Variants in PPP4R2 observed in about 807,000 individuals in gnomAD.
PPP4R2 encodes the protein serine/threonine-protein phosphatase 4 regulatory subunit 2.
PPP4R2 carries 13 observed loss-of-function variants against 47.2 expected under a neutral mutation model. The ratio of observed to expected loss-of-function variants is 0.28; its 90% CI spans 0.18 to 0.44. PPP4R2 has a LOEUF of 0.44. Among genes scored for constraint, PPP4R2 ranks in the 20% least tolerant of loss-of-function variants. The pLI is 1.00. For synonymous variants in PPP4R2, 151 were observed against 163.3 expected (o/e 0.92, Z 0.57); for missense variants, 421 against 491.2 (o/e 0.86, Z 1.35).
At chr3:73,015,639 CTT>C (rs1357650265) in intron 2 of PPP4R2, among the ~76,000 whole-genome samples, 20 of 138,968 alleles carry the variant, frequency 1.4e-4, no homozygotes, top group Admixed American at 1.5e-4. Flanking sequence ...CCATGCCCAG[CTT>C]TTTTTTTTTT....
At chr3:73,023,997 AT>A (rs1220072173) in intron 2 of PPP4R2, among the ~76,000 whole-genome samples, 1 of 152,110 alleles carries the variant, frequency 6.6e-6, no homozygotes, top group African/African-American at 2.4e-5. Flanking sequence ...CTTAATTTGT[AT>A]TTTCACTAAG....
Position 72,997,004 on chromosome 3 carries a change from G to GGGAGGC in PPP4R2, c.-27_-22dup, listed in dbSNP as rs759579944. On this transcript the variant is annotated 5_prime_UTR_variant, in exon 1 of 9. Transcript: ENST00000356692. Reference sequence around the variant, plus strand: ...TTCCGGTCCCCAAGAGACCCGCGGAGGGAGGCGGAGGCTGTGAGGGACTCC... The same window carrying GGGAGGC: ...TTCCGGTCCCCAAGAGACCCGCGGAGGGAGGCGGAGGCGGAGGCTGTGAGGGACTCC... The GGGAGGC allele has an allele frequency of 1.5e-6, 2 of 1,361,500 alleles. No individual in the cohort carries two copies. The highest frequency in any genetic ancestry group is 3.0e-5 in the African/African-American group (2 of 66,902). The allele number at this position is 1,361,500 out of a possible 1,614,324, so 84.3% of individuals were successfully genotyped here.
chr3:73,006,808 G>C (rs935476026), intron 2 of PPP4R2, among the ~76,000 whole-genome samples: 1 of 152,172 alleles, frequency 6.6e-6, no homozygotes, highest in Non-Finnish European at 1.5e-5. Flanking sequence ...GGTCTGCAGT[G>C]ATTTCCAATG....
intron 3 of PPP4R2, among the ~76,000 whole-genome samples, chr3:73,053,343 T>TAC (rs1702660646): frequency 6.6e-6 from 1 of 151,976 alleles, no homozygotes; most frequent in South Asian, 2.1e-4. Context: ...CATCCCTCCT[T>TAC]ACTATTCCCC....
At chr3:73,004,924 T>G (rs960687458) in intron 2 of PPP4R2, among the ~76,000 whole-genome samples, 16 of 34,718 alleles carry the variant, frequency 4.6e-4, no homozygotes, top group African/African-American at 2.1e-3. Flanking sequence ...TGTGTGTGTT[T>G]GTGTGTTTTG....
At chr3:73,022,178 C>T (rs1559553370) in intron 2 of PPP4R2, among the ~76,000 whole-genome samples, 3 of 151,908 alleles carry the variant, frequency 2.0e-5, no homozygotes, top group Middle Eastern at 3.4e-3. Flanking sequence ...ATTACAGGCA[C>T]GAACCACTGC....
intron 3 of PPP4R2, among the ~76,000 whole-genome samples, chr3:73,054,601 A>T (rs1371747381): frequency 6.6e-6 from 1 of 151,968 alleles, no homozygotes; most frequent in Non-Finnish European, 1.5e-5. Context: ...ACAAAAGTGA[A>T]TGACTGTTTT....
rs948959178 is a variant in PPP4R2, at chr3:73,065,797, A to T, written c.*75A>T. The T allele has an allele frequency of 6.3e-6, 6 of 955,782 alleles. No individual in the cohort carries two copies. The African/African-American group carries it at 1.0e-4, about 16-fold the overall frequency. The allele number at this position is 955,782 out of a possible 1,614,324, so 59.2% of individuals were successfully genotyped here. On this transcript the variant is annotated 3_prime_UTR_variant, in exon 9 of 9. Transcript: ENST00000356692. ...ACACTGTATAAAACTTTTGTGTAAT[A>T]AAATGGACCTTTAGTTTTACAAGAG... is the stretch of plus-strand genomic sequence containing the variant.
chr3:73,001,468 G>A (rs1473452942), intron 2 of PPP4R2, among the ~76,000 whole-genome samples: 1 of 127,648 alleles, frequency 7.8e-6, no homozygotes, highest in African/African-American at 3.1e-5. Context: ...CAGCTACTTG[G>A]GAGGAGGAGG....
chr3:73,021,285 G>T (rs1431082701), intron 2 of PPP4R2, among the ~76,000 whole-genome samples: 3 of 151,300 alleles, frequency 2.0e-5, no homozygotes, highest in African/African-American at 7.3e-5. Flanking sequence ...CAGGCTGGGG[G>T]TGCAGTGGCA....
intron 2 of PPP4R2, among the ~76,000 whole-genome samples, chr3:73,039,387 TG>T (rs1437504846): frequency 6.6e-6 from 1 of 152,188 alleles, no homozygotes; most frequent in African/African-American, 2.4e-5. Context: ...CCTCCCAAAG[TG>T]CAGGGATTAC....
intron 3 of PPP4R2, among the ~76,000 whole-genome samples, chr3:73,050,600 C>T (rs1162156591): frequency 1.3e-5 from 2 of 152,118 alleles, no homozygotes; most frequent in African/African-American, 4.8e-5. Flanking sequence ...TATGTTCACG[C>T]TTTTAAAAAG....
chr3:73,045,710 A>G (rs1702469809), intron 2 of PPP4R2, among the ~76,000 whole-genome samples: 1 of 151,922 alleles, frequency 6.6e-6, no homozygotes, highest in Non-Finnish European at 1.5e-5. Flanking sequence ...TATTTTTAGT[A>G]AAGACAGGGT....
At chr3:73,031,817 A>G (rs962126829) in intron 2 of PPP4R2, among the ~76,000 whole-genome samples, 1 of 152,170 alleles carries the variant, frequency 6.6e-6, no homozygotes, top group Non-Finnish European at 1.5e-5. Flanking sequence ...CTGTCTGCAT[A>G]TATCTACTGT....
chr3:73,045,943 T>G lies in PPP4R2; in HGVS notation c.117-1243T>G, dbSNP rs187019354. 6.2e-3 allele frequency among the ~76,000 whole-genome samples: 946 copies of G among 152,352 alleles called. 11 individuals carry two copies. Among genetic ancestry groups the G allele is most frequent in the African/African-American group, 0.022 (908 of 41,588 alleles). On this transcript the variant is annotated intron_variant, in intron 2 of 8. Transcript: ENST00000356692. ...TTGAGAATCTCATACCTCTTTGATA[T>G]GCAGCATAATTTTTTTAATACCTGT...
intron 2 of PPP4R2, among the ~76,000 whole-genome samples, chr3:73,032,316 G>A (rs147275058): frequency 0.011 from 1,660 of 148,870 alleles, 9 homozygotes; most frequent in Middle Eastern, 0.025. Flanking sequence ...ACGGAGTCTC[G>A]CTCTGCTGCC....
chr3:73,036,175 A>G (rs752968731), intron 2 of PPP4R2, among the ~76,000 whole-genome samples: 1 of 152,186 alleles, frequency 6.6e-6, no homozygotes, highest in Non-Finnish European at 1.5e-5. Context: ...GTTCTCATGC[A>G]TTATGTTGGA....
chr3:73,064,722 C>A, intron 7 of PPP4R2, 130 bp from the exon 8 acceptor site: 1 of 792,150 alleles, frequency 1.3e-6, no homozygotes, highest in Non-Finnish European at 2.0e-6. Flanking sequence ...TTGTGTTTTT[C>A]TTTGTTCAGG....
rs1702997828 is a variant in PPP4R2 at position 73,066,361 on chromosome 3, AGAC to A, written c.*640_*642del. The A allele has an allele frequency of 6.6e-6, 1 of 151,588 alleles. No homozygotes were observed. The highest frequency in any genetic ancestry group is 1.9e-4 in the East Asian group (1 of 5,180). 9.4% of individuals were successfully genotyped at this position (151,588 alleles called of 1,614,324 possible). ...AATGATTGAGTTCACCTCTTTCAGAAGACATTTTCTTTCTCTTCTGAGTAATTG... is the reference window on the plus strand; with the variant it reads ...AATGATTGAGTTCACCTCTTTCAGAAATTTTCTTTCTCTTCTGAGTAATTG... On this transcript the variant is annotated 3_prime_UTR_variant, in exon 9 of 9. Coordinates refer to ENST00000356692, the MANE Select transcript of PPP4R2 (RefSeq NM_174907.4).
Sources: gnomAD v4.1 joint callset for allele counts (sites outside exome capture counted in the v4.1 genomes callset) on GRCh38, gnomAD v4.1.1 for gene constraint, MANE v1.5 for transcripts, NCBI Gene and HGNC (gene_info 2026-07-23, HGNC 2026-07-21) for gene names.